FAF1: variants seen among roughly 807,000 people sequenced by gnomAD.
FAF1 encodes Fas associated factor 1, also known as FAS-associated factor 1.
Under a neutral mutation model 92.5 loss-of-function variants are expected in FAF1, and 25 were observed. The observed-to-expected ratio is 0.27, with a 90% CI of 0.20 to 0.38. The LOEUF is 0.38. Among genes scored for constraint, FAF1 ranks in the 10% least tolerant of loss-of-function variants. FAF1 has a pLI of 1.00. For synonymous variants in FAF1, 234 were observed against 273.2 expected, an observed-to-expected ratio of 0.86 and a Z score of 1.42; for missense variants, 636 against 793.3, an observed-to-expected ratio of 0.80 and a Z score of 2.38.
chr1:50,868,113 T>C (rs1644497268), intron 1 of FAF1, among the ~76,000 whole-genome samples: 1 of 152,066 alleles, frequency 6.6e-6, no homozygotes, highest in Admixed American at 6.6e-5. Context: ...CATTTATAAG[T>C]GGGAGCTAAG....
intron 8 of FAF1, among the ~76,000 whole-genome samples, chr1:50,647,234 T>C (rs919992908): frequency 2.6e-5 from 4 of 152,228 alleles, no homozygotes; most frequent in Non-Finnish European, 5.9e-5. Context: ...ACCTAACTTA[T>C]GAGCATATGC....
intron 2 of FAF1, among the ~76,000 whole-genome samples, chr1:50,826,893 A>T (rs1644103513): frequency 6.6e-6 from 1 of 152,128 alleles, no homozygotes; most frequent in South Asian, 2.1e-4. Context: ...GGAAGTGAGG[A>T]GCGCCTCTGC....
intron 1 of FAF1, among the ~76,000 whole-genome samples, chr1:50,952,257 G>A (rs918653975): frequency 2.2e-4 from 34 of 152,304 alleles, no homozygotes; most frequent in African/African-American, 7.2e-4. Context: ...GCAGGCGCGC[G>A]CCGCCACGCC....
intron 2 of FAF1, among the ~76,000 whole-genome samples, chr1:50,804,281 C>T (rs904010074): frequency 5.3e-5 from 8 of 152,126 alleles, no homozygotes; most frequent in Non-Finnish European, 8.8e-5. Flanking sequence ...ATCACAGCTA[C>T]GTTCAAGAAA....
chr1:50,506,740 A>G (rs1001818604), intron 15 of FAF1, among the ~76,000 whole-genome samples: 8 of 152,202 alleles, frequency 5.3e-5, no homozygotes, highest in Admixed American at 6.5e-5. Context: ...ACACATTATT[A>G]TCTTATTTAA....
At chr1:50,490,812 T>C in intron 16 of FAF1, 147 bp from the exon 17 acceptor site, 1 of 642,072 alleles carries the variant, frequency 1.6e-6, no homozygotes. Flanking sequence ...AGAGGTATAT[T>C]GTGGTAACGG....
At chr1:50,499,297 C>T (rs1646949236) in intron 15 of FAF1, among the ~76,000 whole-genome samples, 1 of 151,370 alleles carries the variant, frequency 6.6e-6, no homozygotes, top group Non-Finnish European at 1.5e-5. Flanking sequence ...GATATCCCTC[C>T]CTTTTTCCTG....
intron 7 of FAF1, among the ~76,000 whole-genome samples, chr1:50,692,247 G>GAC (rs1569777409): frequency 1.0e-5 from 1 of 96,134 alleles, no homozygotes; most frequent in East Asian, 2.5e-4. Context: ...TTTACTGTGT[G>GAC]TGTGTGTGTG....
chr1:50,552,432 T>G (rs1397722345), intron 13 of FAF1, among the ~76,000 whole-genome samples: 3 of 152,182 alleles, frequency 2.0e-5, no homozygotes, highest in Admixed American at 6.5e-5. Context: ...TTCTTAATCA[T>G]CATGATGCTC....
intron 4 of FAF1, among the ~76,000 whole-genome samples, chr1:50,770,168 G>T (rs886197429): frequency 6.6e-6 from 1 of 152,128 alleles, no homozygotes; most frequent in Non-Finnish European, 1.5e-5. Flanking sequence ...GCAAAAGTTA[G>T]AAGCATTCCC....
intron 1 of FAF1, among the ~76,000 whole-genome samples, chr1:50,931,226 GTTCTT>G (rs1645044743): frequency 6.6e-6 from 1 of 151,942 alleles, no homozygotes; most frequent in African/African-American, 2.4e-5. Context: ...TACTATCTTG[GTTCTT>G]TTATTTTGTT....
At chr1:50,622,828 C>T (rs767992305) in intron 8 of FAF1, among the ~76,000 whole-genome samples, 7 of 152,088 alleles carry the variant, frequency 4.6e-5, no homozygotes, top group South Asian at 2.1e-4. Flanking sequence ...CTCTGGAGAA[C>T]GTTTGATAGT....
At chr1:50,819,596 A>AG (rs1447489380) in intron 2 of FAF1, among the ~76,000 whole-genome samples, 1 of 147,650 alleles carries the variant, frequency 6.8e-6, no homozygotes, top group African/African-American at 2.5e-5. Context: ...ACCATACTCC[A>AG]GCCTGGTCAA....
chr1:50,493,270 T>A (rs1646861457), intron 15 of FAF1, among the ~76,000 whole-genome samples: 1 of 152,168 alleles, frequency 6.6e-6, no homozygotes, highest in South Asian at 2.1e-4. Flanking sequence ...TGACCTCAAG[T>A]GATCTGCCTG....
At chr1:50,862,840 T>C (rs1644447216) in intron 1 of FAF1, among the ~76,000 whole-genome samples, 1 of 151,862 alleles carries the variant, frequency 6.6e-6, no homozygotes, top group Non-Finnish European at 1.5e-5. Flanking sequence ...CAGGAAAATA[T>C]TACAATGCTA....
intron 4 of FAF1, among the ~76,000 whole-genome samples, chr1:50,776,938 C>A (rs944231916): frequency 1.3e-5 from 2 of 151,826 alleles, no homozygotes; most frequent in Non-Finnish European, 2.9e-5. Context: ...AAAACGTCAA[C>A]AGAGGAAGTT....
At chr1:50,905,128 C>T (rs1469757857) in intron 1 of FAF1, among the ~76,000 whole-genome samples, 1 of 152,078 alleles carries the variant, frequency 6.6e-6, no homozygotes, top group Non-Finnish European at 1.5e-5. Flanking sequence ...TGAGTGAGAA[C>T]ATGTGGTGTC....
chr1:50,528,545 T>C (rs986308724), intron 15 of FAF1, among the ~76,000 whole-genome samples: 5 of 152,188 alleles, frequency 3.3e-5, no homozygotes, highest in African/African-American at 1.2e-4. Context: ...TCAAATTTTC[T>C]TTTATGGAAA....
chr1:50,692,227 A>C (rs1272826392), intron 7 of FAF1, among the ~76,000 whole-genome samples: 1 of 135,246 alleles, frequency 7.4e-6, no homozygotes, highest in Admixed American at 7.7e-5. Flanking sequence ...CATATCCAGC[A>C]CTTGAAGTAT....
Sources: allele counts gnomAD v4.1 joint callset (sites outside exome capture counted in the v4.1 genomes callset), GRCh38; gene constraint gnomAD v4.1.1; transcripts MANE v1.5; gene names NCBI Gene and HGNC (gene_info 2026-07-23, HGNC 2026-07-21).